The following ANKS1A variants were observed in gnomAD, a reference collection of about 807,000 sequenced individuals.
The protein encoded by ANKS1A is ankyrin repeat and SAM domain-containing protein 1A.
In ANKS1A, 55 loss-of-function variants were observed where a neutral mutation model predicts 120.3. That is an observed-to-expected ratio of 0.46 (90% confidence interval 0.37 to 0.57). The LOEUF (loss-of-function observed/expected upper bound fraction) is 0.57. Among genes scored for constraint, ANKS1A ranks in the 20% least tolerant of loss-of-function variants. The pLI, the probability that ANKS1A is intolerant of heterozygous loss-of-function variation, is 0.00. For synonymous variants in ANKS1A, 590 were observed against 604.7 expected (o/e 0.98, Z 0.36); for missense variants, 1,123 against 1,480.3 (o/e 0.76, Z 3.96).
At chr6:35,038,924 C>G (rs1289812062) in intron 11 of ANKS1A, among the ~76,000 whole-genome samples, 1 of 152,114 alleles carries the variant, frequency 6.6e-6, no homozygotes, top group African/African-American at 2.4e-5. Flanking sequence ...TAGAAATAGT[C>G]CAGAGAGGTC....
chr6:35,020,202 T>C (rs1774261488), intron 11 of ANKS1A, among the ~76,000 whole-genome samples: 2 of 152,216 alleles, frequency 1.3e-5, no homozygotes, highest in Non-Finnish European at 2.9e-5. Flanking sequence ...TCTGTGGATT[T>C]AGCCAACTGT....
chr6:34,989,193 C>A (rs201596493), intron 8 of ANKS1A, 31 bp from the exon 9 acceptor site: 10 of 1,600,652 alleles, frequency 6.2e-6, no homozygotes, highest in Non-Finnish European at 8.5e-6. Flanking sequence ...AAAAAGAGAT[C>A]GCAAAATATT....
intron 13 of ANKS1A, chr6:35,070,860 T>C: frequency 1.6e-6 from 1 of 616,432 alleles, no homozygotes; most frequent in East Asian, 4.0e-5. Flanking sequence ...GCCAAAGATT[T>C]ATTTCTTCAT....
intron 1 of ANKS1A, among the ~76,000 whole-genome samples, chr6:34,944,176 G>A (rs1231001300): frequency 6.6e-6 from 1 of 152,158 alleles, no homozygotes; most frequent in African/African-American, 2.4e-5. Context: ...TACTCAGGAG[G>A]CCGAGGCAGG....
At chr6:34,908,257 G>A (rs1767734912) in intron 1 of ANKS1A, among the ~76,000 whole-genome samples, 1 of 152,180 alleles carries the variant, frequency 6.6e-6, no homozygotes, top group Non-Finnish European at 1.5e-5. Context: ...TTTCAAGAAA[G>A]CCAAAGATTC....
downstream of ANKS1A, among the ~76,000 whole-genome samples, chr6:35,091,852 A>G (rs1159767123): frequency 6.6e-6 from 1 of 152,244 alleles, no homozygotes; most frequent in East Asian, 1.9e-4. Context: ...ATAAACAACT[A>G]GCTACCAGCC....
chr6:34,990,916 G>A (rs1304342913), intron 9 of ANKS1A, among the ~76,000 whole-genome samples: 1 of 152,084 alleles, frequency 6.6e-6, no homozygotes, highest in South Asian at 2.1e-4. Flanking sequence ...GAGGTGATAC[G>A]GCCTGCATAT....
chr6:35,059,330 C>T (rs547906324), intron 12 of ANKS1A, among the ~76,000 whole-genome samples: 29 of 152,376 alleles, frequency 1.9e-4, no homozygotes, highest in African/African-American at 1.2e-4. Context: ...GCGATGCTGC[C>T]GTCCCAGCAG....
At chr6:34,978,149 G>A (rs1771702924) in intron 3 of ANKS1A, among the ~76,000 whole-genome samples, 1 of 152,116 alleles carries the variant, frequency 6.6e-6, no homozygotes, top group African/African-American at 2.4e-5. Context: ...GGTGGAGACA[G>A]GGTTTCACTG....
rs1326414608 is a variant in ANKS1A, at chr6:35,085,681, A to G, written c.3133-85A>G. 9 of 1,398,908 alleles carry G rather than the reference A, an allele frequency of 6.4e-6. No individual in the cohort carries two copies. Among genetic ancestry groups the G allele is most frequent in the Non-Finnish European group, 8.6e-6 (9 of 1,043,892 alleles). The allele number at this position is 1,398,908 out of a possible 1,614,324, so 86.7% of individuals were successfully genotyped here. On this transcript the variant is annotated intron_variant, in intron 21 of 23. Coordinates refer to ENST00000360359, the MANE Select transcript of ANKS1A (RefSeq NM_015245.3). The surrounding 1 kb of genome is among the most constrained non-coding windows in gnomAD (Gnocchi z 4.7). The stretch of plus-strand genomic sequence containing the variant: ...CGCTCCCGGGTAGACTTAGAGGGGG[A>G]CACATGGTCCCTGCGAGGAAGGGCA...
At chr6:35,065,919 T>C (rs572444160) in intron 13 of ANKS1A, among the ~76,000 whole-genome samples, 5 of 152,110 alleles carry the variant, frequency 3.3e-5, no homozygotes. Context: ...TCTACCCGCC[T>C]CCTCCCCACC....
chr6:35,006,079 T>A (rs1051423390), intron 10 of ANKS1A, among the ~76,000 whole-genome samples: 1 of 151,576 alleles, frequency 6.6e-6, no homozygotes, highest in Non-Finnish European at 1.5e-5. Flanking sequence ...TCCCAGCTAC[T>A]CAGGAGGCTG....
chr6:35,016,855 C>T (rs1264610163), intron 10 of ANKS1A, among the ~76,000 whole-genome samples: 1 of 150,766 alleles, frequency 6.6e-6, no homozygotes, highest in East Asian at 1.9e-4. Flanking sequence ...TGGCCCCCTC[C>T]GAGGAAGGAA....
intron 1 of ANKS1A, among the ~76,000 whole-genome samples, chr6:34,900,609 A>G (rs1410347359): frequency 6.6e-6 from 1 of 152,196 alleles, no homozygotes; most frequent in Non-Finnish European, 1.5e-5. Flanking sequence ...TGTTTGAGGA[A>G]TACACTAGTA....
intron 1 of ANKS1A, among the ~76,000 whole-genome samples, chr6:34,911,899 CTTGAAATCTCA>C (rs1767923950): frequency 6.6e-6 from 1 of 151,916 alleles, no homozygotes; most frequent in African/African-American, 2.4e-5. Flanking sequence ...GTTTCTTGCC[CTTGAAATCTCA>C]TTGTAATAGT....
rs1777848830 is a variant in ANKS1A, at chr6:35,084,323, T to C, written c.3132+65T>C. 1.9e-6 allele frequency: 3 copies of C among 1,589,562 alleles called. No homozygotes were observed. Among genetic ancestry groups the C allele is most frequent in the Non-Finnish European group, 1.7e-6 (2 of 1,169,136 alleles). On this transcript the variant is annotated intron_variant, in intron 21 of 23. Transcript: ENST00000360359. This position sits in a 1 kb window ranked among gnomAD's most constrained non-coding sequence, Gnocchi z 4.8. Reference sequence around the variant, plus strand: ...TGCAGCCCTGAGGCGTCCAGCCCCATTGCAGGGCACAGATGCGGCGCTGTC... The same window carrying C: ...TGCAGCCCTGAGGCGTCCAGCCCCACTGCAGGGCACAGATGCGGCGCTGTC...
intron 1 of ANKS1A, among the ~76,000 whole-genome samples, chr6:34,933,431 C>T (rs1416711050): frequency 3.9e-5 from 6 of 152,156 alleles, no homozygotes; most frequent in South Asian, 2.1e-4. Flanking sequence ...AGTGCAATGG[C>T]GCGATCTCGT....
At chr6:35,062,614 T>C (rs1055309805) in intron 13 of ANKS1A, among the ~76,000 whole-genome samples, 2 of 152,192 alleles carry the variant, frequency 1.3e-5, no homozygotes, top group African/African-American at 4.8e-5. Flanking sequence ...TGTTTGACAG[T>C]CATGGTGTTG....
At chr6:35,055,476 T>A (rs1190663168) in intron 12 of ANKS1A, among the ~76,000 whole-genome samples, 1 of 152,038 alleles carries the variant, frequency 6.6e-6, no homozygotes, top group Non-Finnish European at 1.5e-5. Context: ...ATTACAGGCA[T>A]GTAACACCAC....
Sources: allele counts gnomAD v4.1 joint callset (sites outside exome capture counted in the v4.1 genomes callset), GRCh38; gene constraint gnomAD v4.1.1; non-coding constraint Gnocchi (gnomAD v3.1); transcripts MANE v1.5; gene names NCBI Gene and HGNC (gene_info 2026-07-23, HGNC 2026-07-21).